Variants in TMEM164 observed in about 807,000 individuals in gnomAD.
TMEM164 encodes the protein RP13-360B22.2.
Under a neutral mutation model 18.8 loss-of-function variants are expected in TMEM164, and 4 were observed. The ratio of observed to expected loss-of-function variants is 0.21; its 90% CI spans 0.10 to 0.49. TMEM164 has a LOEUF of 0.49. Among genes scored for constraint, TMEM164 ranks in the 20% least tolerant of loss-of-function variants. TMEM164 has a pLI of 0.98. For synonymous variants in TMEM164, 86 were observed against 101.7 expected (o/e 0.85, Z 0.93); for missense variants, 108 against 239.9 (o/e 0.45, Z 3.63).
At chrX:110,142,635 A>G (rs2066786027) in intron 4 of TMEM164, among the ~76,000 whole-genome samples, 1 of 113,302 alleles carries the variant, frequency 8.8e-6, no homozygotes, top group Non-Finnish European at 1.9e-5. Flanking sequence ...TAAAAGAAGT[A>G]CGATGTGAGT....
intron 3 of TMEM164, among the ~76,000 whole-genome samples, chrX:110,083,724 CATGT>C (rs1264192808): frequency 5.4e-5 from 6 of 111,580 alleles, no homozygotes; most frequent in Admixed American, 9.5e-5. Context: ...TGCTCACATG[CATGT>C]GTGTGTATCT....
intron 6 of TMEM164, among the ~76,000 whole-genome samples, chrX:110,172,132 G>A (rs1046391522): frequency 1.8e-5 from 2 of 111,918 alleles, no homozygotes; most frequent in Non-Finnish European, 3.8e-5. Context: ...GGGGTCAGGA[G>A]ACCCAAGTTC....
At chrX:110,034,444 T>A (rs1447831231) in intron 2 of TMEM164, among the ~76,000 whole-genome samples, 1 of 112,682 alleles carries the variant, frequency 8.9e-6, no homozygotes. Flanking sequence ...TTTTAGGCTT[T>A]GTGAACCATG....
At chrX:110,022,841 C>T (rs1933975693) in intron 2 of TMEM164, among the ~76,000 whole-genome samples, 1 of 112,059 alleles carries the variant, frequency 8.9e-6, no homozygotes, top group Non-Finnish European at 1.9e-5. Context: ...GAATTTATGA[C>T]CAGAAAATGC....
intron 2 of TMEM164, among the ~76,000 whole-genome samples, chrX:110,006,904 G>A (rs1453332122): frequency 4.5e-5 from 5 of 112,286 alleles, no homozygotes; most frequent in Non-Finnish European, 9.4e-5. Flanking sequence ...TCCTAGCAAG[G>A]AAAGAGAGAT....
At chrX:110,056,712 C>G (rs1346322619) in intron 2 of TMEM164, among the ~76,000 whole-genome samples, 1 of 111,391 alleles carries the variant, frequency 9.0e-6, no homozygotes, top group Non-Finnish European at 1.9e-5. Flanking sequence ...TTGTGTTTGC[C>G]TTTTATATTT....
chrX:110,110,575 A>T (rs989876976), intron 4 of TMEM164, among the ~76,000 whole-genome samples: 21 of 112,467 alleles, frequency 1.9e-4, no homozygotes, highest in African/African-American at 6.5e-4. Context: ...GTGGGAGTTG[A>T]GAACCACTGA....
chrX:110,049,186 T>C (rs1935440058), intron 2 of TMEM164, among the ~76,000 whole-genome samples: 1 of 111,720 alleles, frequency 9.0e-6, no homozygotes, highest in African/African-American at 3.3e-5. Context: ...AATTGCATTG[T>C]ACCTTAAATA....
intron 3 of TMEM164, among the ~76,000 whole-genome samples, chrX:110,084,223 G>T (rs1299915680): frequency 9.5e-6 from 1 of 104,771 alleles, no homozygotes; most frequent in Non-Finnish European, 1.9e-5. Flanking sequence ...AGAATAGTTG[G>T]CCAGGTGTGG....
At chrX:110,082,361 A>G (rs894695187) in intron 3 of TMEM164, 9 of 113,185 alleles carry the variant, frequency 8.0e-5, no homozygotes, top group African/African-American at 2.9e-4. Context: ...GTGTCTGTAC[A>G]TGCAGTGCTG....
At chrX:110,130,143 C>G (rs753745105) in intron 4 of TMEM164, among the ~76,000 whole-genome samples, 2 of 111,963 alleles carry the variant, frequency 1.8e-5, no homozygotes, top group Non-Finnish European at 3.8e-5. Flanking sequence ...TAGAAAATTC[C>G]AGATCCATGC....
intron 4 of TMEM164, among the ~76,000 whole-genome samples, chrX:110,139,228 A>G (rs1182524354): frequency 8.9e-6 from 1 of 112,341 alleles, no homozygotes; most frequent in Non-Finnish European, 1.9e-5. Context: ...TAGGTGAGAA[A>G]GGATAGGATC....
intron 2 of TMEM164, among the ~76,000 whole-genome samples, chrX:110,038,607 A>G (rs1934954692): frequency 9.1e-6 from 1 of 109,946 alleles, no homozygotes; most frequent in Admixed American, 9.6e-5. Context: ...CTTCCACCTC[A>G]CTCATAATTG....
At chrX:110,112,940 G>GA (rs757573109) in intron 4 of TMEM164, among the ~76,000 whole-genome samples, 2 of 111,100 alleles carry the variant, frequency 1.8e-5, no homozygotes, top group African/African-American at 6.5e-5. Context: ...TCCAACATAT[G>GA]AATTTTGGGG....
At position 110,172,015 on chromosome X, in the gene TMEM164, G is replaced by A. The variant is rs191395161; in HGVS notation, c.687+495G>A. ...GAACTTCCTGGAGTCATGAAGAATGGTTGGATGGTTGGACTCAGTAGCTGA... is the reference window on the plus strand; with the variant it reads ...GAACTTCCTGGAGTCATGAAGAATGATTGGATGGTTGGACTCAGTAGCTGA... On this transcript the variant is annotated intron_variant, in intron 6 of 6. Transcript: ENST00000372068. Among the ~76,000 whole-genome samples, 10 of 112,320 alleles carry A rather than the reference G, an allele frequency of 8.9e-5. No individual in the cohort carries two copies. The Admixed American group carries it at 9.4e-4, about 11-fold the overall frequency.
intron 2 of TMEM164, among the ~76,000 whole-genome samples, chrX:110,004,723 A>G (rs1458590544): frequency 8.9e-6 from 1 of 112,449 alleles, no homozygotes; most frequent in Non-Finnish European, 1.9e-5. Flanking sequence ...GCATTGGAGC[A>G]GCACCAAGCT....
At chrX:110,161,377 G>A (rs2067091898) in intron 5 of TMEM164, among the ~76,000 whole-genome samples, 1 of 111,333 alleles carries the variant, frequency 9.0e-6, no homozygotes, top group African/African-American at 3.3e-5. Context: ...CCACTATACT[G>A]GTCAGGTAAG....
At chrX:110,163,889 A>G (rs944988273) in intron 5 of TMEM164, among the ~76,000 whole-genome samples, 1 of 112,115 alleles carries the variant, frequency 8.9e-6, no homozygotes, top group Non-Finnish European at 1.9e-5. Context: ...ACTGATGCAG[A>G]TAGATGGGTA....
At chrX:110,121,982 G>A (rs2148007599) in intron 4 of TMEM164, among the ~76,000 whole-genome samples, 1 of 111,987 alleles carries the variant, frequency 8.9e-6, no homozygotes, top group East Asian at 2.8e-4. Context: ...TACCAGTTGA[G>A]CATCCCTAGT....
Sources: allele counts gnomAD v4.1 joint callset (sites outside exome capture counted in the v4.1 genomes callset), GRCh38; gene constraint gnomAD v4.1.1; transcripts MANE v1.5; gene names NCBI Gene and HGNC (gene_info 2026-07-23, HGNC 2026-07-21).